The following SNTB1 variants were observed in gnomAD, a reference collection of about 807,000 sequenced individuals.
SNTB1 encodes the protein beta-1-syntrophin.
In SNTB1, 36 loss-of-function variants were observed where a neutral mutation model predicts 48.9. The ratio of observed to expected loss-of-function variants is 0.74; its 90% CI spans 0.56 to 0.97. The LOEUF is 0.97. Ranked by LOEUF, SNTB1 falls within the 50% of genes least tolerant of loss-of-function variation. The pLI is 0.00. For synonymous variants in SNTB1, 299 were observed against 294.6 expected, an observed-to-expected ratio of 1.01 and a Z score of -0.15; for missense variants, 786 against 703.4, an observed-to-expected ratio of 1.12 and a Z score of -1.33.
intron 3 of SNTB1, among the ~76,000 whole-genome samples, chr8:120,592,652 C>T (rs553043285): frequency 6.6e-6 from 1 of 152,148 alleles, no homozygotes; most frequent in African/African-American, 2.4e-5. Context: ...CAAGCTTTCC[C>T]TCAGATGGAG....
chr8:120,712,032 C>A (rs1234584356), intron 1 of SNTB1, among the ~76,000 whole-genome samples: 1 of 152,144 alleles, frequency 6.6e-6, no homozygotes, highest in Non-Finnish European at 1.5e-5. Context: ...AACATTAAGA[C>A]ATACTTCAGT....
intron 2 of SNTB1, among the ~76,000 whole-genome samples, chr8:120,680,822 G>C (rs1001503219): frequency 6.6e-6 from 1 of 152,132 alleles, no homozygotes; most frequent in Non-Finnish European, 1.5e-5. Flanking sequence ...AAATCCTTCA[G>C]CACCCAGATG....
intron 2 of SNTB1, chr8:120,655,025 T>A: frequency 2.2e-6 from 1 of 455,070 alleles, no homozygotes; most frequent in Non-Finnish European, 4.4e-6. Flanking sequence ...AAATCTGTGA[T>A]TCCTATGGCT....
intron 1 of SNTB1, among the ~76,000 whole-genome samples, chr8:120,742,609 T>G (rs1819058269): frequency 1.3e-5 from 2 of 152,240 alleles, no homozygotes; most frequent in South Asian, 4.1e-4. Flanking sequence ...TGGTGAACTC[T>G]TCTAAGTCAT....
intron 3 of SNTB1, among the ~76,000 whole-genome samples, chr8:120,627,402 C>A (rs987270139): frequency 1.3e-5 from 2 of 152,136 alleles, no homozygotes; most frequent in Non-Finnish European, 2.9e-5. Flanking sequence ...TCTGTAGGAC[C>A]TGTTCTTTGA....
At chr8:120,716,915 T>C (rs1168396464) in intron 1 of SNTB1, among the ~76,000 whole-genome samples, 3 of 152,196 alleles carry the variant, frequency 2.0e-5, no homozygotes, top group African/African-American at 4.8e-5. Context: ...CTTACTGGTC[T>C]TTCAGCAGTT....
At position 120,541,984 on chromosome 8, in the gene SNTB1, G is replaced by A; in HGVS notation, c.1350C>T (p.Asn450=). Residue 450 remains asparagine, a synonymous_variant, in exon 6 of 7, where the codon AAC becomes AAT. Coordinates refer to ENST00000517992, the MANE Select transcript of SNTB1 (RefSeq NM_021021.4). The stretch of plus-strand genomic sequence containing the variant: ...AATGTATGGTCAAACGGCACTCCTG[G>A]TTTTTGTAGGTGCAAGCTGAGAGAG... ...AEISTACTYK[N]QECRLTIHYE... 1 of 1,613,394 alleles carries A rather than the reference G, an allele frequency of 6.2e-7. No individual in the cohort carries two copies. The highest frequency in any genetic ancestry group is 1.1e-5 in the South Asian group (1 of 90,920).
intron 1 of SNTB1, among the ~76,000 whole-genome samples, chr8:120,764,264 C>T (rs1362657462): frequency 6.6e-6 from 1 of 152,088 alleles, no homozygotes; most frequent in African/African-American, 2.4e-5. Flanking sequence ...CTGTTAAAAA[C>T]AATGAGGCAG....
At chr8:120,584,542 T>TGGTGGTCTAAATGCCTACAAGAGAAAGCA (rs1816106439) in intron 3 of SNTB1, among the ~76,000 whole-genome samples, 1 of 150,906 alleles carries the variant, frequency 6.6e-6, no homozygotes, top group African/African-American at 2.4e-5. Flanking sequence ...CATTTAAAGC[T>TGGTGGTCTAAATGCCTACAAGAGAAAGCA]GGTGGTTTAA....
At chr8:120,707,212 C>A (rs1818392368) in intron 1 of SNTB1, among the ~76,000 whole-genome samples, 1 of 152,064 alleles carries the variant, frequency 6.6e-6, no homozygotes, top group Admixed American at 6.6e-5. Flanking sequence ...CTTCCATGAC[C>A]CAGAGAGTGA....
chr8:120,613,293 G>T (rs933996820), intron 3 of SNTB1, among the ~76,000 whole-genome samples: 2 of 151,948 alleles, frequency 1.3e-5, no homozygotes, highest in Admixed American at 1.3e-4. Context: ...GGAGGCTGCA[G>T]TGAGCCGGGA....
intron 1 of SNTB1, among the ~76,000 whole-genome samples, chr8:120,721,268 G>A (rs962656255): frequency 2.0e-5 from 3 of 152,188 alleles, no homozygotes; most frequent in African/African-American, 7.2e-5. Flanking sequence ...ATTTAAATGT[G>A]TCTTATATAA....
At chr8:120,571,972 A>G (rs1815862437) in intron 4 of SNTB1, among the ~76,000 whole-genome samples, 1 of 152,078 alleles carries the variant, frequency 6.6e-6, no homozygotes, top group African/African-American at 2.4e-5. Context: ...TCTGGAGCCA[A>G]TAATTTCCAT....
chr8:120,626,052 C>T (rs1425871258), intron 3 of SNTB1, among the ~76,000 whole-genome samples: 1 of 152,134 alleles, frequency 6.6e-6, no homozygotes, highest in Non-Finnish European at 1.5e-5. Flanking sequence ...TACATTCACA[C>T]TGAGATTCTT....
At chr8:120,554,564 C>T (rs1815534524) in intron 4 of SNTB1, among the ~76,000 whole-genome samples, 1 of 152,156 alleles carries the variant, frequency 6.6e-6, no homozygotes, top group Admixed American at 6.5e-5. Flanking sequence ...ACCACCACCA[C>T]TACGACTGCT....
chr8:120,662,884 A>G lies in SNTB1; in HGVS notation c.789-30233T>C, dbSNP rs190174037. ...TAATCATGTTTGAATCATTCATTCA[A>G]AAATATTCCTTGAATGTTTGTTTCC... On this transcript the variant is annotated intron_variant, in intron 2 of 6. Coordinates refer to ENST00000517992, the MANE Select transcript of SNTB1 (RefSeq NM_021021.4). Among the ~76,000 whole-genome samples the G allele has an allele frequency of 2.1e-3, 324 of 152,192 alleles. 5 individuals carry two copies. The highest frequency in any genetic ancestry group is 7.2e-3 in the African/African-American group (299 of 41,522).
chr8:120,693,791 G>A lies in SNTB1; in HGVS notation c.689C>T (p.Pro230Leu), dbSNP rs780546773. The change falls in exon 2 of 7, where the codon CCG (proline) becomes CTG (leucine). Residue 230 changes from proline to leucine, a missense_variant. Transcript: ENST00000517992. ...GTGGAAGGAGAAGGACTGCGATGAC[G>A]GGGGGTCTGAGGTGCTGCCCCCTAA... ...PRLGGSTSDPPSSQSFSFHRD... is the reference protein window; with the variant it reads ...PRLGGSTSDPLSSQSFSFHRD... The A allele has an allele frequency of 9.9e-6, 16 of 1,613,524 alleles. No individual in the cohort carries two copies. Among genetic ancestry groups the A allele is most frequent in the Middle Eastern group, 1.6e-4 (1 of 6,078 alleles).
intron 1 of SNTB1, among the ~76,000 whole-genome samples, chr8:120,774,177 A>G (rs1293052939): frequency 1.3e-5 from 2 of 152,236 alleles, no homozygotes; most frequent in Non-Finnish European, 2.9e-5. Context: ...ATGTGGAGAG[A>G]GTGAGCTGAA....
chr8:120,771,972 C>T (rs925912609), intron 1 of SNTB1, among the ~76,000 whole-genome samples: 1 of 151,218 alleles, frequency 6.6e-6, no homozygotes, highest in Admixed American at 6.6e-5. Context: ...CGGGCTCAAG[C>T]GACCCTCCTG....
Sources: gnomAD v4.1 joint callset for allele counts (sites outside exome capture counted in the v4.1 genomes callset) on GRCh38, gnomAD v4.1.1 for gene constraint, MANE v1.5 for transcripts, NCBI Gene and HGNC (gene_info 2026-07-23, HGNC 2026-07-21) for gene names.